UBE2L3: variants seen among roughly 807,000 people sequenced by gnomAD.
UBE2L3 encodes the protein ubiquitin conjugating enzyme E2 L3, also known as ubiquitin-conjugating enzyme E2 L3.
Under a neutral mutation model 17.8 loss-of-function variants are expected in UBE2L3, and 1 was observed. The observed-to-expected ratio is 0.06, with a 90% CI of 0.02 to 0.27. The LOEUF (loss-of-function observed/expected upper bound fraction) is 0.27, where lower values mean the gene tolerates loss of function less well. Among genes scored for constraint, UBE2L3 ranks in the 10% least tolerant of loss-of-function variants. The probability of loss-of-function intolerance (pLI) is 1.00; values close to 1 mark genes in which losing one functional copy is unlikely to be tolerated. For missense variants in UBE2L3, 40 were observed against 192.6 expected, an observed-to-expected ratio of 0.21 and a Z score of 4.69; for synonymous variants, 44 against 68.5, an observed-to-expected ratio of 0.64 and a Z score of 1.76.
chr22:21,568,075 T>C (rs140491), intron 1 of UBE2L3: 254,044 of 1,218,594 alleles, frequency 0.21, 29,415 homozygotes, highest in East Asian at 0.49. Flanking sequence ...CGGTCCGATC[T>C]GAGGGCGTCG....
At chr22:21,611,145 C>G in intron 3 of UBE2L3, 102 bp downstream of exon 3, 2 of 1,336,234 alleles carry the variant, frequency 1.5e-6, no homozygotes, top group Non-Finnish European at 2.0e-6. Flanking sequence ...GAGAATCTTT[C>G]AGGTACACGA....
intron 1 of UBE2L3, among the ~76,000 whole-genome samples, chr22:21,584,972 AAAC>A (rs1927858801): frequency 6.6e-6 from 1 of 152,168 alleles, no homozygotes. Context: ...AACAAACAAA[AAAC>A]AACAAAATGT....
chr22:21,558,425 G>T (rs1926314828), intron 1 of UBE2L3, among the ~76,000 whole-genome samples: 1 of 152,252 alleles, frequency 6.6e-6, no homozygotes, highest in Non-Finnish European at 1.5e-5. Context: ...GAGGTCAGGA[G>T]ATCGAGACCA....
intron 1 of UBE2L3, among the ~76,000 whole-genome samples, chr22:21,555,624 C>CA (rs1178264704): frequency 1.5e-4 from 22 of 148,174 alleles, no homozygotes; most frequent in East Asian, 1.4e-3. Flanking sequence ...GACTCCATCT[C>CA]AAAAAAAAAA....
intron 1 of UBE2L3, among the ~76,000 whole-genome samples, chr22:21,590,821 T>C (rs1928219098): frequency 1.3e-5 from 2 of 152,226 alleles, no homozygotes; most frequent in Admixed American, 1.3e-4. Context: ...TAGAAAATCC[T>C]TCCCACCCCA....
chr22:21,585,287 A>G (rs1287981244), intron 1 of UBE2L3, among the ~76,000 whole-genome samples: 3 of 152,204 alleles, frequency 2.0e-5, no homozygotes, highest in African/African-American at 7.2e-5. Context: ...TGCTGCTGCT[A>G]AGGTTCATGC....
At position 21,587,414 on chromosome 22, in the gene UBE2L3, C is replaced by T. The variant is rs568489729; in HGVS notation, c.28-5447C>T. Among the ~76,000 whole-genome samples, 7 of 151,428 alleles carry T rather than the reference C, an allele frequency of 4.6e-5. No homozygotes were observed. In the South Asian group the frequency reaches 6.3e-4, roughly 14 times the overall value. ...CCATGTGGTCTCGATCTCCTGACCTCGTGATCCACCCGCCTTGGCCTCCCA... is the reference window on the plus strand; with the variant it reads ...CCATGTGGTCTCGATCTCCTGACCTTGTGATCCACCCGCCTTGGCCTCCCA... On this transcript the variant is annotated intron_variant, in intron 1 of 3. Transcript: ENST00000342192.
chr22:21,568,278 G>C, intron 1 of UBE2L3: 1 of 986,108 alleles, frequency 1.0e-6, no homozygotes, highest in Middle Eastern at 5.2e-4. Context: ...GAGAGAAGGA[G>C]GCCAGGCGGC....
At chr22:21,597,010 A>T (rs1166875250) in intron 2 of UBE2L3, among the ~76,000 whole-genome samples, 1 of 151,118 alleles carries the variant, frequency 6.6e-6, no homozygotes, top group South Asian at 2.1e-4. Context: ...ACAGGGTCTC[A>T]CTCTGTTGCC....
chr22:21,558,510 A>G (rs1372355415), intron 1 of UBE2L3, among the ~76,000 whole-genome samples: 2 of 151,982 alleles, frequency 1.3e-5, no homozygotes, highest in African/African-American at 4.8e-5. Flanking sequence ...GGGCGCCTGT[A>G]GTCCCAGCTA....
chr22:21,605,689 A>G (rs1929122115), intron 2 of UBE2L3, among the ~76,000 whole-genome samples: 1 of 152,112 alleles, frequency 6.6e-6, no homozygotes, highest in African/African-American at 2.4e-5. Context: ...TATTTTTAGT[A>G]GAAACGGGGT....
intron 2 of UBE2L3, among the ~76,000 whole-genome samples, chr22:21,596,877 A>T (rs1928554533): frequency 6.6e-6 from 1 of 152,074 alleles, no homozygotes; most frequent in African/African-American, 2.4e-5. Context: ...TTTTTACGTT[A>T]CAGCCATTCT....
At chr22:21,617,073 G>A (rs1320435060) in intron 3 of UBE2L3, among the ~76,000 whole-genome samples, 1 of 150,914 alleles carries the variant, frequency 6.6e-6, no homozygotes, top group Non-Finnish European at 1.5e-5. Context: ...AGCCGGGCGT[G>A]GTTGCGGGCA....
At chr22:21,595,207 G>T (rs1163380938) in intron 2 of UBE2L3, among the ~76,000 whole-genome samples, 3 of 152,252 alleles carry the variant, frequency 2.0e-5, no homozygotes, top group African/African-American at 7.2e-5. Context: ...GGCTGCTCTT[G>T]TCCCTGTGTA....
chr22:21,557,434 T>C (rs520790), intron 1 of UBE2L3, among the ~76,000 whole-genome samples: 1 of 152,212 alleles, frequency 6.6e-6, no homozygotes, highest in Non-Finnish European at 1.5e-5. Flanking sequence ...AAAAATAAAT[T>C]AAACAGAAAT....
intron 1 of UBE2L3, among the ~76,000 whole-genome samples, chr22:21,568,985 C>T (rs1448334912): frequency 2.0e-5 from 3 of 152,218 alleles, no homozygotes; most frequent in African/African-American, 7.2e-5. Context: ...CTCCTCATCT[C>T]TTAAGCTAGT....
At chr22:21,584,633 T>C (rs1176700181) in intron 1 of UBE2L3, among the ~76,000 whole-genome samples, 4 of 151,570 alleles carry the variant, frequency 2.6e-5, no homozygotes, top group African/African-American at 7.3e-5. Flanking sequence ...GGTCTTACTG[T>C]GTGGCCCAGG....
At chr22:21,619,755 G>A (rs973235278) in intron 3 of UBE2L3, among the ~76,000 whole-genome samples, 27 of 152,274 alleles carry the variant, frequency 1.8e-4, no homozygotes, top group East Asian at 1.4e-3. Context: ...GCAGTGGCAC[G>A]ATCTCGGCTC....
At chr22:21,617,604 A>G (rs996792360) in intron 3 of UBE2L3, among the ~76,000 whole-genome samples, 2 of 152,164 alleles carry the variant, frequency 1.3e-5, no homozygotes, top group Middle Eastern at 3.2e-3. Flanking sequence ...TTGCAGAAAA[A>G]AAAAGTACTT....
Sources: gnomAD v4.1 joint callset for allele counts (sites outside exome capture counted in the v4.1 genomes callset) on GRCh38, gnomAD v4.1.1 for gene constraint, MANE v1.5 for transcripts, NCBI Gene and HGNC (gene_info 2026-07-23, HGNC 2026-07-21) for gene names.